The following HGSNAT variants were observed in gnomAD, a reference collection of about 807,000 sequenced individuals.
HGSNAT encodes transmembrane protein 76.
In HGSNAT, 59 loss-of-function variants were observed where a neutral mutation model predicts 85.2. The ratio of observed to expected loss-of-function variants is 0.69; its 90% CI spans 0.56 to 0.86. HGSNAT has a LOEUF of 0.86. Among genes scored for constraint, HGSNAT ranks in the 40% least tolerant of loss-of-function variants. The probability of loss-of-function intolerance (pLI) is 0.00; values close to 1 mark genes in which losing one functional copy is unlikely to be tolerated. For missense variants in HGSNAT, 756 were observed against 777.1 expected (o/e 0.97, Z 0.32); for synonymous variants, 321 against 304.5 (o/e 1.05, Z -0.56).
intron 10 of HGSNAT, chr8:43,181,856 G>A: frequency 2.4e-6 from 1 of 421,742 alleles, no homozygotes. Context: ...CCACACCTGA[G>A]TAAGACGCTT....
chr8:43,199,371 A>G lies in HGSNAT; in HGVS notation c.1727-17A>G, dbSNP rs780686580. 1.2e-5 allele frequency: 19 copies of G among 1,539,496 alleles called. No individual in the cohort carries two copies. The South Asian group carries it at 1.3e-4, about 10-fold the overall frequency. On this transcript the variant is annotated splice_polypyrimidine_tract_variant and intron_variant, in intron 17 of 17. Transcript: ENST00000379644. Reference sequence around the variant, plus strand: ...ATCTGTGAGAAACATGATCTTCTGTATGTCTCTCTCCTTAAGGAATGAATT... The same window carrying G: ...ATCTGTGAGAAACATGATCTTCTGTGTGTCTCTCTCCTTAAGGAATGAATT...
intron 10 of HGSNAT, among the ~76,000 whole-genome samples, chr8:43,179,270 C>T (rs535577431): frequency 2.7e-5 from 4 of 148,790 alleles, no homozygotes; most frequent in South Asian, 2.1e-4. Context: ...CCGGACGGGG[C>T]GGCTGGCCAG....
At chr8:43,167,264 G>A (rs370536237) in intron 5 of HGSNAT, among the ~76,000 whole-genome samples, 6 of 152,214 alleles carry the variant, frequency 3.9e-5, no homozygotes, top group African/African-American at 7.2e-5. Flanking sequence ...TTGAAAGAAG[G>A]TCTAACTGTG....
intron 2 of HGSNAT, among the ~76,000 whole-genome samples, chr8:43,153,459 C>T (rs1439803443): frequency 6.6e-6 from 1 of 152,058 alleles, no homozygotes; most frequent in Non-Finnish European, 1.5e-5. Flanking sequence ...TCCCAAAGTG[C>T]TAGGATTACA....
Position 43,199,575 on chromosome 8 carries a change from C to G in HGSNAT, c.*6C>G. ...AGATTTTTTGGAAAATCTGATGGCT[C>G]CCACTGAGATGTGCTGCTGGAAGAC... is the stretch of plus-strand genomic sequence containing the variant. On this transcript the variant is annotated 3_prime_UTR_variant, in exon 18 of 18. Coordinates refer to ENST00000379644, the MANE Select transcript of HGSNAT (RefSeq NM_152419.3). The G allele has an allele frequency of 6.6e-7, 1 of 1,526,268 alleles. No individual in the cohort carries two copies. Among genetic ancestry groups the G allele is most frequent in the Non-Finnish European group, 8.8e-7 (1 of 1,136,052 alleles). 94.5% of individuals were successfully genotyped at this position (1,526,268 alleles called of 1,614,324 possible).
In HGSNAT at chr8:43,158,642, C is replaced by T. The variant is rs779516482; in HGVS notation, c.302C>T (p.Ala101Val). The T allele has an allele frequency of 2.1e-5, 34 of 1,613,618 alleles. No individual in the cohort carries two copies. Among genetic ancestry groups the T allele is most frequent in the Admixed American group, 6.7e-5 (4 of 59,990 alleles). The change falls in exon 3 of 18, where the codon GCC becomes GTC. Residue 101 changes from alanine to valine, a missense_variant. Transcript: ENST00000379644. ...PKAGKPSAAA[A>V]SVSTQHGSIL... ...GCAGGGAAGCCTAGTGCTGCAGCTG[C>T]CTCTGTCAGCACCCAGCACGGATCT... is the stretch of plus-strand genomic sequence containing the variant.
At chr8:43,181,407 GAGTCGGGAGGGCACT>G (rs1325565915) in intron 10 of HGSNAT, among the ~76,000 whole-genome samples, 1 of 151,994 alleles carries the variant, frequency 6.6e-6, no homozygotes, top group Admixed American at 6.6e-5. Flanking sequence ...ATGAGTATCA[GAGTCGGGAGGGCACT>G]AGTCACTGTC....
Position 43,197,874 on chromosome 8 carries a change from G to A in HGSNAT, c.1648G>A (p.Ala550Thr). Residue 550 changes from alanine (A) to threonine (T), a missense_variant, in exon 17 of 18, where the codon GCC (alanine) becomes ACC (threonine). Transcript: ENST00000379644. ...GTATGTCACTACGCTCAGTTCTTTT[G>A]CCTTCTTCATCCTGCTGGTCCTGTA... ...LSYVTTLSSF[A>T]FFILLVLYPV... 6.2e-7 allele frequency: 1 copy of A among 1,613,956 alleles called. No individual in the cohort carries two copies.
At chr8:43,195,638 A>AGGAGGGGCTG in intron 14 of HGSNAT, among the ~76,000 whole-genome samples, 2 of 12,158 alleles carry the variant, frequency 1.6e-4, no homozygotes, top group Non-Finnish European at 4.9e-4. Context: ...GGGTGGAGGA[A>AGGAGGGGCTG]GAGGAGGAGG....
intron 9 of HGSNAT, among the ~76,000 whole-genome samples, chr8:43,176,806 C>A (rs1318862829): frequency 1.3e-5 from 2 of 152,080 alleles, no homozygotes; most frequent in African/African-American, 4.8e-5. Context: ...TTATTTGTGG[C>A]AATTGGAAAT....
In HGSNAT at chr8:43,202,707, A is replaced by G. The variant is rs943997762; in HGVS notation, c.*3138A>G. On this transcript the variant is annotated 3_prime_UTR_variant, in exon 18 of 18. Transcript: ENST00000379644. Reference sequence around the variant, plus strand: ...CCATGGCCAACAAGGGGCATCTTTTATAAATGCATAATAACCCAGTTTGTA... The same window carrying G: ...CCATGGCCAACAAGGGGCATCTTTTGTAAATGCATAATAACCCAGTTTGTA... 1 of 152,220 alleles carries G rather than the reference A, an allele frequency of 6.6e-6. No individual in the cohort carries two copies. Among genetic ancestry groups the G allele is most frequent in the African/African-American group, 2.4e-5 (1 of 41,462 alleles). The allele number at this position is 152,220 out of a possible 1,614,324, so 9.4% of individuals were successfully genotyped here.
At chr8:43,153,989 A>C (rs1339823962) in intron 2 of HGSNAT, among the ~76,000 whole-genome samples, 1 of 152,158 alleles carries the variant, frequency 6.6e-6, no homozygotes, top group Non-Finnish European at 1.5e-5. Flanking sequence ...GCTATTATGA[A>C]TAGTGCTGTA....
rs866750575 is a variant in HGSNAT at position 43,179,311 on chromosome 8, C to T, written c.1012+1077C>T. On this transcript the variant is annotated intron_variant, in intron 10 of 17. Transcript: ENST00000379644. ...GGGGCTCCTCACTTCCCAGTAGGGG[C>T]GGCCGGGCAGAGGCGCCCCTCACCT... Among the ~76,000 whole-genome samples, 127 of 149,664 alleles carry T rather than the reference C, an allele frequency of 8.5e-4. 1 individual carries two copies. Among genetic ancestry groups the T allele is most frequent in the African/African-American group, 2.9e-3 (116 of 40,458 alleles).
chr8:43,171,288 T>A (rs1470330145), intron 7 of HGSNAT, among the ~76,000 whole-genome samples: 1 of 152,214 alleles, frequency 6.6e-6, no homozygotes, highest in Non-Finnish European at 1.5e-5. Context: ...CCTATAACTT[T>A]GCCCCAGTCT....
intron 9 of HGSNAT, among the ~76,000 whole-genome samples, chr8:43,177,277 G>A (rs1803841460): frequency 6.6e-6 from 1 of 151,888 alleles, no homozygotes; most frequent in Non-Finnish European, 1.5e-5. Context: ...AGGGCCAGGT[G>A]TGGTGGCTCA....
At chr8:43,143,801 C>T (rs1802629001) in intron 1 of HGSNAT, among the ~76,000 whole-genome samples, 1 of 151,718 alleles carries the variant, frequency 6.6e-6, no homozygotes, top group African/African-American at 2.4e-5. Flanking sequence ...CCTCCTTAGC[C>T]TCCCAAACTG....
intron 9 of HGSNAT, among the ~76,000 whole-genome samples, chr8:43,177,666 A>AT (rs948098321): frequency 6.6e-6 from 1 of 152,006 alleles, no homozygotes; most frequent in African/African-American, 2.4e-5. Flanking sequence ...GTAAGCTTTC[A>AT]TTTTTCTTTC....
intron 8 of HGSNAT, 85 bp downstream of exon 8, chr8:43,172,471 G>A: frequency 1.0e-6 from 1 of 986,644 alleles, no homozygotes; most frequent in Non-Finnish European, 1.6e-6. Flanking sequence ...ATTCTCCCCA[G>A]AAACTCCAGA....
intron 2 of HGSNAT, among the ~76,000 whole-genome samples, chr8:43,150,567 C>T (rs1379746020): frequency 1.3e-5 from 2 of 150,198 alleles, no homozygotes; most frequent in Non-Finnish European, 3.0e-5. Context: ...GGCGCGGTGG[C>T]TCACACCTGT....
Sources: allele counts gnomAD v4.1 joint callset (sites outside exome capture counted in the v4.1 genomes callset), GRCh38; gene constraint gnomAD v4.1.1; transcripts MANE v1.5; gene names NCBI Gene and HGNC (gene_info 2026-07-23, HGNC 2026-07-21).